Variants in APPL2 observed in about 807,000 individuals in gnomAD.
APPL2 encodes adaptor protein, phosphotyrosine interacting with PH domain and leucine zipper 2.
APPL2 carries 84 observed loss-of-function variants against 92.7 expected under a neutral mutation model. That is an observed-to-expected ratio of 0.91 (90% confidence interval 0.76 to 1.09). The LOEUF (loss-of-function observed/expected upper bound fraction) is 1.09. APPL2 is among the 50% of genes least tolerant of loss of function. The pLI is 0.00. For missense variants in APPL2, 736 were observed against 824.5 expected, an observed-to-expected ratio of 0.89 and a Z score of 1.31; for synonymous variants, 291 against 291.0, an observed-to-expected ratio of 1.00 and a Z score of 0.00.
chr12:105,232,915 G>A (rs1592847433), intron 1 of APPL2, among the ~76,000 whole-genome samples: 1 of 152,114 alleles, frequency 6.6e-6, no homozygotes, highest in African/African-American at 2.4e-5. Flanking sequence ...GGAAAGAAAG[G>A]CCTGATTTGG....
At chr12:105,201,602 G>A (rs575375897) in intron 9 of APPL2, among the ~76,000 whole-genome samples, 8 of 149,656 alleles carry the variant, frequency 5.3e-5, no homozygotes, top group Non-Finnish European at 1.0e-4. Context: ...CACAGACTCA[G>A]GCTCAAACAC....
Position 105,208,125 on chromosome 12 carries a change from C to CA in APPL2, c.415+32dup, listed in dbSNP as rs1566080949. 1.9e-6 allele frequency: 3 copies of CA among 1,614,100 alleles called. No homozygotes were observed. In the South Asian group the frequency reaches 3.3e-5, roughly 18 times the overall value. On this transcript the variant is annotated intron_variant, in intron 6 of 20. Transcript: ENST00000258530. ...TCCTCCCCGCCACAGTAAGCCCACA[C>CA]ACCCACACACCAGGAATGGAGAAGG...
At chr12:105,183,270 T>G (rs1196855) in intron 17 of APPL2, among the ~76,000 whole-genome samples, 2 of 151,786 alleles carry the variant, frequency 1.3e-5, no homozygotes, top group African/African-American at 4.8e-5. Context: ...AAGGTTAATA[T>G]TGTTATGTGT....
At position 105,233,416 on chromosome 12, in the gene APPL2, C is replaced by G. The variant is rs923039898; in HGVS notation, c.54+2543G>C. The G allele has an allele frequency of 4.1e-6, 4 of 985,248 alleles. No homozygotes were observed. In the African/African-American group the frequency reaches 7.0e-5, roughly 17 times the overall value. The allele number at this position is 985,248 out of a possible 1,614,324, so 61.0% of individuals were successfully genotyped here. ...CAGACTAGTTTTACAATGCATCGTG[C>G]AGCACTGCAAACTAAAAAGGAGTCC... On this transcript the variant is annotated intron_variant, in intron 1 of 20. Coordinates refer to ENST00000258530, the MANE Select transcript of APPL2 (RefSeq NM_018171.5).
At chr12:105,186,327 A>T (rs1412060772) in intron 17 of APPL2, among the ~76,000 whole-genome samples, 1 of 152,126 alleles carries the variant, frequency 6.6e-6, no homozygotes, top group African/African-American at 2.4e-5. Context: ...GGAGCATTTG[A>T]GATTTCCAGA....
chr12:105,212,884 G>A (rs1164136285), intron 4 of APPL2, among the ~76,000 whole-genome samples: 2 of 152,146 alleles, frequency 1.3e-5, no homozygotes, highest in Admixed American at 6.5e-5. Context: ...AGGAAGCACC[G>A]GGGCAAACTG....
chr12:105,222,150 C>A (rs548938987), intron 2 of APPL2, among the ~76,000 whole-genome samples: 8 of 152,250 alleles, frequency 5.3e-5, no homozygotes, highest in African/African-American at 1.7e-4. Context: ...GGCAAGAACG[C>A]GGCTGGAGCG....
chr12:105,219,819 C>T (rs530223975), intron 2 of APPL2, among the ~76,000 whole-genome samples: 1 of 152,306 alleles, frequency 6.6e-6, no homozygotes, highest in South Asian at 2.1e-4. Flanking sequence ...AAATCTCGTG[C>T]TCCTTCTTTC....
chr12:105,179,460 T>C (rs1465476400), intron 17 of APPL2, among the ~76,000 whole-genome samples: 4 of 152,160 alleles, frequency 2.6e-5, no homozygotes, highest in Non-Finnish European at 4.4e-5. Context: ...GTGCATGTGT[T>C]TTTATAGAAA....
At chr12:105,204,310 A>C (rs1476901378) in intron 8 of APPL2, among the ~76,000 whole-genome samples, 1 of 152,216 alleles carries the variant, frequency 6.6e-6, no homozygotes, top group Non-Finnish European at 1.5e-5. Flanking sequence ...GTATTCTCTC[A>C]CACATTAACC....
intron 2 of APPL2, among the ~76,000 whole-genome samples, chr12:105,219,411 C>T (rs1403237304): frequency 6.6e-6 from 1 of 152,132 alleles, no homozygotes; most frequent in African/African-American, 2.4e-5. Context: ...GTATTCAACC[C>T]CTTTCAAAAC....
At chr12:105,233,375 C>T (rs138576219) in intron 1 of APPL2, 27 of 985,438 alleles carry the variant, frequency 2.7e-5, no homozygotes, top group Non-Finnish European at 3.3e-5. Context: ...GCAGAAATAA[C>T]GCATGTGTAT....
chr12:105,186,704 CAT>C (rs777376134), intron 17 of APPL2, among the ~76,000 whole-genome samples: 1 of 101,050 alleles, frequency 9.9e-6, no homozygotes, highest in Non-Finnish European at 2.1e-5. Flanking sequence ...TATATCATAT[CAT>C]ATATCATATC....
At chr12:105,178,810 C>T (rs1400180184) in intron 17 of APPL2, among the ~76,000 whole-genome samples, 1 of 152,110 alleles carries the variant, frequency 6.6e-6, no homozygotes, top group Admixed American at 6.6e-5. Flanking sequence ...ACTTTTACGT[C>T]CCTATTAATG....
At chr12:105,179,446 T>C (rs1010934197) in intron 17 of APPL2, among the ~76,000 whole-genome samples, 3 of 152,222 alleles carry the variant, frequency 2.0e-5, no homozygotes, top group African/African-American at 7.2e-5. Flanking sequence ...GCAATACACA[T>C]AGTGTGCATG....
At chr12:105,192,856 A>G (rs1159647349) in intron 14 of APPL2, among the ~76,000 whole-genome samples, 2 of 152,246 alleles carry the variant, frequency 1.3e-5, no homozygotes, top group Non-Finnish European at 2.9e-5. Flanking sequence ...AGATAAATGA[A>G]TGAACAGCAG....
intron 11 of APPL2, 48 bp downstream of exon 11, chr12:105,197,717 G>A: frequency 6.2e-7 from 1 of 1,608,914 alleles, no homozygotes; most frequent in Non-Finnish European, 8.5e-7. Flanking sequence ...TGGAACGGGT[G>A]GAACCACTAT....
At chr12:105,200,116 G>A (rs559908274) in intron 9 of APPL2, among the ~76,000 whole-genome samples, 44 of 152,122 alleles carry the variant, frequency 2.9e-4, no homozygotes, top group African/African-American at 9.9e-4. Flanking sequence ...TTACAGGCGT[G>A]AGCCACCGCG....
chr12:105,203,571 C>T (rs918335066), intron 9 of APPL2, 132 bp downstream of exon 9: 6 of 752,014 alleles, frequency 8.0e-6, no homozygotes, highest in African/African-American at 3.5e-5. Context: ...GCACTGTTAG[C>T]GAGCATTTCT....
Sources: gnomAD v4.1 joint callset for allele counts (sites outside exome capture counted in the v4.1 genomes callset) on GRCh38, gnomAD v4.1.1 for gene constraint, MANE v1.5 for transcripts, NCBI Gene and HGNC (gene_info 2026-07-23, HGNC 2026-07-21) for gene names.